GRIA4: variants seen among roughly 807,000 people sequenced by gnomAD.
GRIA4 encodes glutamate ionotropic receptor AMPA type subunit 4, also known as glutamate receptor 4.
Under a neutral mutation model 104.0 loss-of-function variants are expected in GRIA4, and 34 were observed. That is an observed-to-expected ratio of 0.33 (90% CI 0.25 to 0.44). GRIA4 has a LOEUF of 0.44. GRIA4 is among the 20% of genes least tolerant of loss of function. The pLI is 1.00. For missense variants in GRIA4, 750 were observed against 1,096.5 expected, an observed-to-expected ratio of 0.68 and a Z score of 4.46; for synonymous variants, 386 against 381.9, an observed-to-expected ratio of 1.01 and a Z score of -0.13.
At chr11:105,801,778 GA>G (rs1942731397) in intron 4 of GRIA4, among the ~76,000 whole-genome samples, 1 of 152,094 alleles carries the variant, frequency 6.6e-6, no homozygotes. Context: ...GTGTTATAAT[GA>G]AAATGGAATT....
chr11:105,943,732 T>C (rs1948237328), intron 14 of GRIA4, among the ~76,000 whole-genome samples: 1 of 152,084 alleles, frequency 6.6e-6, no homozygotes, highest in African/African-American at 2.4e-5. Context: ...TATAAAGATA[T>C]TGTCTTCAAA....
chr11:105,862,271 A>T, intron 5 of GRIA4, 63 bp downstream of exon 5: 2 of 883,410 alleles, frequency 2.3e-6, no homozygotes, highest in Non-Finnish European at 3.6e-6. Context: ...CCTTTGATTG[A>T]CTTGTCCCCA....
intron 3 of GRIA4, among the ~76,000 whole-genome samples, chr11:105,669,897 T>A (rs1276675313): frequency 6.6e-6 from 1 of 152,068 alleles, no homozygotes; most frequent in Non-Finnish European, 1.5e-5. Flanking sequence ...CCCGGATGGA[T>A]ACATCTGTAA....
Position 105,898,369 on chromosome 11 carries a change from T to C in GRIA4, c.827T>C (p.Met276Thr), listed in dbSNP as rs1421138621. 2 of 1,592,162 alleles carry C rather than the reference T, an allele frequency of 1.3e-6. No homozygotes were observed. Among genetic ancestry groups the C allele is most frequent in the East Asian group, 2.2e-5 (1 of 44,644 alleles). Reference protein sequence around the residue: ...DFNTPMVIKLMDRWKKLDQRE... With the variant: ...DFNTPMVIKLTDRWKKLDQRE... ...AATACACCTATGGTAATCAAACTAATGGATCGCTGGAAGAAACTAGATCAG... is the reference window on the plus strand; with the variant it reads ...AATACACCTATGGTAATCAAACTAACGGATCGCTGGAAGAAACTAGATCAG... The change falls in exon 7 of 17, where the codon ATG becomes ACG. Residue 276 changes from methionine (M) to threonine (T), a missense_variant. Around this residue, in one of 3 missense-constraint regions of GRIA4, gnomAD observed 410 missense variants for 502.7 expected, o/e 0.82. Transcript: ENST00000282499.
chr11:105,688,156 C>CTATATCTATATCTA (rs373564678), intron 3 of GRIA4, among the ~76,000 whole-genome samples: 121 of 72,766 alleles, frequency 1.7e-3, no homozygotes, highest in South Asian at 2.6e-3. Context: ...ATATCTATAT[C>CTATATCTATATCTA]TCTATCTATC....
At chr11:105,910,399 TA>T in intron 9 of GRIA4, 35 bp from the exon 10 acceptor site, 1 of 1,016,612 alleles carries the variant, frequency 9.8e-7, no homozygotes, top group Non-Finnish European at 1.6e-6. Flanking sequence ...TAAATGCTTC[TA>T]AAATATGTTT....
intron 3 of GRIA4, among the ~76,000 whole-genome samples, chr11:105,633,433 A>C (rs934052960): frequency 2.0e-5 from 3 of 152,226 alleles, no homozygotes; most frequent in South Asian, 2.1e-4. Flanking sequence ...CCCTGAATAT[A>C]GTTCATAGCA....
intron 3 of GRIA4, among the ~76,000 whole-genome samples, chr11:105,700,849 C>A (rs1253021889): frequency 6.6e-6 from 1 of 152,122 alleles, no homozygotes; most frequent in African/African-American, 2.4e-5. Flanking sequence ...GTATTCACCT[C>A]ACAGTAAACA....
chr11:105,777,116 C>T (rs1300086343), intron 4 of GRIA4, among the ~76,000 whole-genome samples: 1 of 152,076 alleles, frequency 6.6e-6, no homozygotes, highest in Non-Finnish European at 1.5e-5. Context: ...ATGCTCCAAA[C>T]GTCATTAACA....
At chr11:105,910,869 C>T (rs1442714255) in intron 10 of GRIA4, among the ~76,000 whole-genome samples, 1 of 152,036 alleles carries the variant, frequency 6.6e-6, no homozygotes, top group Non-Finnish European at 1.5e-5. Flanking sequence ...CAAAGGTCAA[C>T]CACCAATCAC....
intron 3 of GRIA4, among the ~76,000 whole-genome samples, chr11:105,677,293 T>A (rs1289912797): frequency 1.3e-5 from 2 of 151,924 alleles, no homozygotes; most frequent in Non-Finnish European, 2.9e-5. Context: ...GTCAGAGTGA[T>A]AATCACAGTC....
At chr11:105,904,278 C>T (rs1946965263) in intron 8 of GRIA4, among the ~76,000 whole-genome samples, 1 of 152,172 alleles carries the variant, frequency 6.6e-6, no homozygotes, top group Non-Finnish European at 1.5e-5. Context: ...GTTAGATTAG[C>T]AGGGGCTCTT....
At chr11:105,821,326 G>C (rs1002191) in intron 4 of GRIA4, among the ~76,000 whole-genome samples, 53,052 of 151,912 alleles carry the variant, frequency 0.35, 9,365 homozygotes, top group South Asian at 0.43. Context: ...TTGTAGGAGG[G>C]GGTATTAGGT....
At chr11:105,878,172 T>A (rs187845612) in intron 5 of GRIA4, among the ~76,000 whole-genome samples, 212 of 152,308 alleles carry the variant, frequency 1.4e-3, no homozygotes, top group Middle Eastern at 3.4e-3. Flanking sequence ...GTCAGGACCC[T>A]TTTCTGCAGG....
intron 3 of GRIA4, among the ~76,000 whole-genome samples, chr11:105,717,336 T>C (rs76638674): frequency 0.034 from 5,209 of 152,208 alleles, 206 homozygotes; most frequent in African/African-American, 0.091. Context: ...AAAAAAAATC[T>C]TAATGGGAAT....
chr11:105,898,062 T>A (rs997340176), intron 6 of GRIA4, among the ~76,000 whole-genome samples: 5 of 152,186 alleles, frequency 3.3e-5, no homozygotes, highest in African/African-American at 9.6e-5. Flanking sequence ...TATCTTTGTC[T>A]CATGTATTGG....
intron 4 of GRIA4, among the ~76,000 whole-genome samples, chr11:105,793,039 G>T (rs1365306487): frequency 2.0e-5 from 3 of 152,152 alleles, no homozygotes; most frequent in Admixed American, 6.6e-5. Context: ...AAGGAAAAGT[G>T]CACAGTGTAA....
chr11:105,677,889 T>C (rs75685156), intron 3 of GRIA4, among the ~76,000 whole-genome samples: 4,042 of 152,058 alleles, frequency 0.027, 103 homozygotes, highest in African/African-American at 0.065. Context: ...AGAGACTCTG[T>C]AGATTATGAC....
intron 4 of GRIA4, among the ~76,000 whole-genome samples, chr11:105,832,269 G>A (rs1393175921): frequency 6.6e-6 from 1 of 151,926 alleles, no homozygotes; most frequent in African/African-American, 2.4e-5. Context: ...TAAAATGAAT[G>A]CAAAGATGTC....
Sources: allele counts gnomAD v4.1 joint callset (sites outside exome capture counted in the v4.1 genomes callset), GRCh38; gene constraint gnomAD v4.1.1; regional missense constraint gnomAD v4.1.1; transcripts MANE v1.5; gene names NCBI Gene and HGNC (gene_info 2026-07-23, HGNC 2026-07-21).